Variants in PLSCR2 observed in about 807,000 individuals in gnomAD.
PLSCR2 encodes PL scramblase 2.
PLSCR2 carries 18 observed loss-of-function variants against 25.3 expected under a neutral mutation model. The observed-to-expected ratio is 0.71, with a 90% confidence interval of 0.49 to 1.06. The LOEUF is 1.06. PLSCR2 is among the 50% of genes least tolerant of loss of function. PLSCR2 has a pLI of 0.00. For missense variants in PLSCR2, 243 were observed against 269.5 expected (o/e 0.90, Z 0.69); for synonymous variants, 88 against 87.3 (o/e 1.01, Z -0.04).
chr3:146,426,459 A>T (rs1429637759), intron 2 of PLSCR2, among the ~76,000 whole-genome samples: 1 of 152,054 alleles, frequency 6.6e-6, no homozygotes, highest in African/African-American at 2.4e-5. Flanking sequence ...CACTTGCCCA[A>T]ATTACTGGGT....
At chr3:146,483,947 A>G (rs2043250221) in intron 1 of PLSCR2, among the ~76,000 whole-genome samples, 1 of 151,986 alleles carries the variant, frequency 6.6e-6, no homozygotes, top group African/African-American at 2.4e-5. Context: ...AGATGGATCA[A>G]TTGACAGAAG....
Position 146,481,472 on chromosome 3 carries a change from A to G in PLSCR2, c.-293+14423T>C, listed in dbSNP as rs1422227850. ...ACAGCCAAGTCATCAGTGAACTCCC[A>G]TTCACAATTGCTACAAACAGAATAA... is the stretch of plus-strand genomic sequence containing the variant. On this transcript the variant is annotated intron_variant, in intron 1 of 8. Coordinates refer to the PLSCR2 transcript ENST00000336685. 2.6e-5 allele frequency among the ~76,000 whole-genome samples: 4 copies of G among 152,328 alleles called. No homozygotes were observed. In the East Asian group the frequency reaches 5.8e-4, roughly 22 times the overall value.
In PLSCR2 at chr3:146,489,711, T is replaced by C. The variant is rs116750827; in HGVS notation, c.-293+6184A>G. Among the ~76,000 whole-genome samples, 4 of 152,142 alleles carry C rather than the reference T, an allele frequency of 2.6e-5. No homozygotes were observed. In the East Asian group the frequency reaches 7.7e-4, roughly 29 times the overall value. On this transcript the variant is annotated intron_variant, in intron 1 of 8. Coordinates refer to the PLSCR2 transcript ENST00000336685. ...AAAGAATACTTGTTTGCCTTTTCGATCTTCTAATCTTCTGACCTTGTGATC... is the reference window on the plus strand; with the variant it reads ...AAAGAATACTTGTTTGCCTTTTCGACCTTCTAATCTTCTGACCTTGTGATC...
chr3:146,393,825 C>A (rs991724036), intron 3 of PLSCR2, among the ~76,000 whole-genome samples: 16 of 108,312 alleles, frequency 1.5e-4, no homozygotes, highest in East Asian at 3.1e-4. Context: ...AAAAAAAAAA[C>A]TTCTAAATAA....
At chr3:146,422,055 T>A (rs747416943) in intron 2 of PLSCR2, among the ~76,000 whole-genome samples, 18 of 152,094 alleles carry the variant, frequency 1.2e-4, no homozygotes, top group Non-Finnish European at 2.2e-4. Context: ...CTCAGAGACA[T>A]ACAAGTGCAC....
chr3:146,405,831 G>A (rs772525027), intron 2 of PLSCR2, among the ~76,000 whole-genome samples: 43 of 152,118 alleles, frequency 2.8e-4, no homozygotes, highest in Non-Finnish European at 5.6e-4. Context: ...TTTTGTTGGC[G>A]CTTATCTAGA....
intron 2 of PLSCR2, among the ~76,000 whole-genome samples, chr3:146,418,500 C>T (rs531855982): frequency 2.0e-5 from 3 of 152,090 alleles, no homozygotes; most frequent in Non-Finnish European, 4.4e-5. Flanking sequence ...GGCATAGTTT[C>T]CCTGTTAGAG....
chr3:146,404,091 A>G (rs1020732262), intron 2 of PLSCR2, among the ~76,000 whole-genome samples: 1 of 152,172 alleles, frequency 6.6e-6, no homozygotes, highest in African/African-American at 2.4e-5. Context: ...CCTAGCCAAT[A>G]GAAGAATGGT....
intron 1 of PLSCR2, among the ~76,000 whole-genome samples, chr3:146,484,272 G>A (rs545397449): frequency 3.0e-4 from 45 of 150,434 alleles, no homozygotes; most frequent in African/African-American, 9.3e-4. Flanking sequence ...CAAAACCTCC[G>A]ACAACTATGG....
intron 1 of PLSCR2, among the ~76,000 whole-genome samples, chr3:146,487,357 G>A (rs950628577): frequency 2.6e-5 from 4 of 152,110 alleles, no homozygotes; most frequent in African/African-American, 9.7e-5. Flanking sequence ...ATTCAAATAG[G>A]AAGAGAGGAA....
intron 8 of PLSCR2, among the ~76,000 whole-genome samples, chr3:146,436,508 TC>T (rs2039868616): frequency 6.6e-6 from 1 of 152,222 alleles, no homozygotes; most frequent in African/African-American, 2.4e-5. Flanking sequence ...TAAGTTGGAT[TC>T]CCAGGTATTT....
chr3:146,455,310 C>T (rs371031768), exon 4 of PLSCR2: 2 of 1,613,880 alleles, frequency 1.2e-6, no homozygotes, highest in South Asian at 1.1e-5. Context: ...ACTTCTCGAC[C>T]CACATTATCA....
At chr3:146,418,467 T>C (rs1163736012) in intron 2 of PLSCR2, among the ~76,000 whole-genome samples, 4 of 152,180 alleles carry the variant, frequency 2.6e-5, no homozygotes, top group Admixed American at 2.6e-4. Flanking sequence ...CATGTTACTC[T>C]TTTCATAACA....
intron 2 of PLSCR2, among the ~76,000 whole-genome samples, chr3:146,400,384 T>A (rs780514754): frequency 6.6e-6 from 1 of 151,460 alleles, no homozygotes; most frequent in Non-Finnish European, 1.5e-5. Flanking sequence ...ATACTATTTA[T>A]AATTGTATCT....
chr3:146,417,682 T>C (rs1036054656), intron 2 of PLSCR2, among the ~76,000 whole-genome samples: 12 of 152,206 alleles, frequency 7.9e-5, no homozygotes, highest in Non-Finnish European at 1.2e-4. Flanking sequence ...GAAAGCTGGC[T>C]GACTTTAGTT....
chr3:146,439,275 G>A (rs989174140), downstream of PLSCR2, among the ~76,000 whole-genome samples: 4 of 152,180 alleles, frequency 2.6e-5, no homozygotes, highest in African/African-American at 7.2e-5. Flanking sequence ...CTCTCGAGGA[G>A]TATCTTTGTG....
At chr3:146,451,784 A>G (rs183056108) in intron 5 of PLSCR2, among the ~76,000 whole-genome samples, 98 of 152,272 alleles carry the variant, frequency 6.4e-4, no homozygotes, top group African/African-American at 2.3e-3. Context: ...GCAACTTCCT[A>G]AGAACTCTAA....
intron 3 of PLSCR2, among the ~76,000 whole-genome samples, chr3:146,457,320 G>T (rs2041274659): frequency 6.6e-6 from 1 of 152,304 alleles, no homozygotes; most frequent in South Asian, 2.1e-4. Context: ...GAAGGAAGAC[G>T]CTGTGGTTCA....
intron 6 of PLSCR2, among the ~76,000 whole-genome samples, chr3:146,448,990 C>A (rs918061697): frequency 2.0e-5 from 3 of 152,120 alleles, no homozygotes; most frequent in African/African-American, 7.2e-5. Flanking sequence ...TATTCTCTTG[C>A]CATTTGAAAG....
Sources: gnomAD v4.1 joint callset for allele counts (sites outside exome capture counted in the v4.1 genomes callset) on GRCh38, gnomAD v4.1.1 for gene constraint, MANE v1.5 for transcripts, NCBI Gene and HGNC (gene_info 2026-07-23, HGNC 2026-07-21) for gene names.